The following INPP5K variants were observed in gnomAD, a reference collection of about 807,000 sequenced individuals.
INPP5K encodes the protein inositol polyphosphate-5-phosphatase K.
INPP5K carries 35 observed loss-of-function variants against 53.5 expected under a neutral mutation model. The observed-to-expected ratio is 0.65, with a 90% CI of 0.50 to 0.87. The LOEUF (loss-of-function observed/expected upper bound fraction) is 0.87, where lower values mean the gene tolerates loss of function less well. INPP5K is among the 40% of genes least tolerant of loss of function. The probability of loss-of-function intolerance (pLI) is 0.00; values close to 1 mark genes in which losing one functional copy is unlikely to be tolerated. For synonymous variants in INPP5K, 253 were observed against 232.8 expected (o/e 1.09, Z -0.79); for missense variants, 550 against 586.2 (o/e 0.94, Z 0.64).
intron 7 of INPP5K, among the ~76,000 whole-genome samples, chr17:1,500,741 G>A (rs1380770797): frequency 3.8e-5 from 4 of 105,304 alleles, no homozygotes; most frequent in African/African-American, 1.3e-4. Context: ...TGTCACTTAG[G>A]TGTAAGCCCT....
At chr17:1,496,214 A>G in intron 10 of INPP5K, 50 bp from the exon 11 acceptor site, 1 of 1,518,708 alleles carries the variant, frequency 6.6e-7, no homozygotes, top group Non-Finnish European at 9.1e-7. Context: ...TCTGGGCTCC[A>G]CCCAGCTCTG....
Position 1,498,076 on chromosome 17 carries a change from G to A in INPP5K, c.823C>T (p.Leu275=). The A allele has an allele frequency of 6.2e-7, 1 of 1,613,974 alleles. No homozygotes were observed. Among genetic ancestry groups the A allele is most frequent in the Non-Finnish European group, 8.5e-7 (1 of 1,179,900 alleles). Residue 275 remains leucine (L), a synonymous_variant, in exon 8 of 12, where the codon CTG becomes TTG. Transcript: ENST00000421807. ...PAWTDRILWR[L]KRQPCAGPDT... ...GGGCCAGCACAGGGCTGCCGCTTCAGCCTCCACAGGATGCGATCGGTCCAT... is the reference window on the plus strand; with the variant it reads ...GGGCCAGCACAGGGCTGCCGCTTCAACCTCCACAGGATGCGATCGGTCCAT...
At chr17:1,516,358 A>C in intron 1 of INPP5K, 98 bp downstream of exon 1, 2 of 1,301,104 alleles carry the variant, frequency 1.5e-6, no homozygotes, top group Non-Finnish European at 2.1e-6. Flanking sequence ...AACCAAAGGC[A>C]GTCATGGAGG....
At chr17:1,509,885 G>A (rs1407508152) in intron 3 of INPP5K, 86 bp from the exon 4 acceptor site, 1 of 765,918 alleles carries the variant, frequency 1.3e-6, no homozygotes, top group African/African-American at 1.7e-5. Context: ...GGACTCTAGA[G>A]AGCCCTCAGC....
At chr17:1,502,121 G>T (rs150274876) in intron 7 of INPP5K, among the ~76,000 whole-genome samples, 1 of 151,570 alleles carries the variant, frequency 6.6e-6, no homozygotes, top group Non-Finnish European at 1.5e-5. Flanking sequence ...AGGCCAAGGC[G>T]GGCAGATCAT....
chr17:1,513,937 A>T lies in INPP5K; in HGVS notation c.87T>A (p.Pro29=). 28 of 1,613,214 alleles carry T rather than the reference A, an allele frequency of 1.7e-5. No individual in the cohort carries two copies. The highest frequency in any genetic ancestry group is 2.3e-5 in the Non-Finnish European group (27 of 1,179,398). ...VTWNVASAAP[P]LDLSDLLQLN... is the part of the protein sequence containing the mutation. ...GCTGAAGCAGGTCACTGAGATCTAGAGGGGGCGCTGCCGAAGCCACGTTCC... is the reference window on the plus strand; with the variant it reads ...GCTGAAGCAGGTCACTGAGATCTAGTGGGGGCGCTGCCGAAGCCACGTTCC... Residue 29 remains proline (P), a synonymous_variant, in exon 2 of 12, where the codon CCT becomes CCA. Transcript: ENST00000421807.
chr17:1,507,497 G>GC (rs1422922258), intron 6 of INPP5K: 1 of 194,424 alleles, frequency 5.1e-6, no homozygotes. Context: ...ATGGGCTGAC[G>GC]CATGATGGTA....
Position 1,512,814 on chromosome 17 carries a change from T to C in INPP5K, c.261+639A>G, listed in dbSNP as rs535909911. On this transcript the variant is annotated intron_variant, in intron 3 of 11. Coordinates refer to ENST00000421807, the MANE Select transcript of INPP5K (RefSeq NM_016532.4). ...CCCAGAATCTGAAGTGCACGTCCCGTATGACCTGAGGATACCCTATGACAC... is the reference window on the plus strand; with the variant it reads ...CCCAGAATCTGAAGTGCACGTCCCGCATGACCTGAGGATACCCTATGACAC... Among the ~76,000 whole-genome samples the C allele has an allele frequency of 4.6e-5, 7 of 152,276 alleles. No individual in the cohort carries two copies. In the East Asian group the frequency reaches 1.2e-3, roughly 25 times the overall value.
chr17:1,498,133 AG>A lies in INPP5K; in HGVS notation c.777-12del. 1.3e-6 allele frequency: 2 copies of A among 1,587,384 alleles called. No individual in the cohort carries two copies. Among genetic ancestry groups the A allele is most frequent in the Middle Eastern group, 1.7e-4 (1 of 5,956 alleles). ...TTGCGTTTTTTCTCACTGCAGGGGC[AG>A]GGGGCATAAAGAGGAAGAATGGGGA... On this transcript the variant is annotated splice_polypyrimidine_tract_variant and intron_variant, in intron 7 of 11. Coordinates refer to ENST00000421807, the MANE Select transcript of INPP5K (RefSeq NM_016532.4).
At position 1,509,782 on chromosome 17, in the gene INPP5K, C is replaced by T. The variant is rs1431680882; in HGVS notation, c.279G>A (p.Met93Ile). 1 of 1,610,796 alleles carries T rather than the reference C, an allele frequency of 6.2e-7. No homozygotes were observed. The highest frequency in any genetic ancestry group is 8.5e-7 in the Non-Finnish European group (1 of 1,177,412). ...CAAAGACCAGTAAGAGGATCCCCTGCATACGGACATGGGAGACCTGCAGGA... is the reference window on the plus strand; with the variant it reads ...CAAAGACCAGTAAGAGGATCCCCTGTATACGGACATGGGAGACCTGCAGGA... ...LSFIKVSHVR[M>I]QGILLLVFAK... Residue 93 changes from methionine (M) to isoleucine (I), a missense_variant, in exon 4 of 12, where the codon ATG (methionine) becomes ATA (isoleucine). Met to Ile is a conservative substitution (Grantham distance 10, BLOSUM62 1). Coordinates refer to ENST00000421807, the MANE Select transcript of INPP5K (RefSeq NM_016532.4).
At chr17:1,509,517 G>A (rs1039508315) in intron 4 of INPP5K, among the ~76,000 whole-genome samples, 164 bp from the exon 5 acceptor site, 3 of 152,092 alleles carry the variant, frequency 2.0e-5, no homozygotes, top group African/African-American at 7.2e-5. Context: ...AGCCCAGCTC[G>A]CCTCGCCTGG....
chr17:1,501,233 T>C (rs923999927), intron 7 of INPP5K, among the ~76,000 whole-genome samples: 21 of 152,162 alleles, frequency 1.4e-4, no homozygotes, highest in South Asian at 4.2e-4. Context: ...GCTGGGATTA[T>C]AGGCGTGAGC....
chr17:1,500,966 T>C (rs1378824695), intron 7 of INPP5K, among the ~76,000 whole-genome samples: 3 of 151,622 alleles, frequency 2.0e-5, no homozygotes, highest in Non-Finnish European at 4.4e-5. Flanking sequence ...TGCTTTTTTT[T>C]TTTTTTTTTT....
At chr17:1,505,202 T>C (rs1416898587) in intron 7 of INPP5K, among the ~76,000 whole-genome samples, 1 of 152,134 alleles carries the variant, frequency 6.6e-6, no homozygotes, top group African/African-American at 2.4e-5. Context: ...CTCAGCTCAC[T>C]GCAGCCTTTA....
chr17:1,501,855 A>C (rs1218456085), intron 7 of INPP5K, among the ~76,000 whole-genome samples: 1 of 143,748 alleles, frequency 7.0e-6, no homozygotes, highest in East Asian at 2.0e-4. Flanking sequence ...CGTCTCTACT[A>C]AAAACACACA....
intron 1 of INPP5K, among the ~76,000 whole-genome samples, chr17:1,515,096 G>A (rs559597827): frequency 3.4e-4 from 51 of 151,970 alleles, no homozygotes; most frequent in Non-Finnish European, 5.0e-4. Flanking sequence ...TAGTAGAGAC[G>A]GGGTTTCACC....
chr17:1,496,836 C>A (rs200402689), intron 8 of INPP5K, 33 bp from the exon 9 acceptor site: 2 of 1,607,410 alleles, frequency 1.2e-6, no homozygotes, highest in Non-Finnish European at 1.7e-6. Context: ...GGCTGAATCT[C>A]GCAGCATCAT....
chr17:1,512,423 T>C (rs2075330725), intron 3 of INPP5K, among the ~76,000 whole-genome samples: 1 of 152,128 alleles, frequency 6.6e-6, no homozygotes, highest in Non-Finnish European at 1.5e-5. Flanking sequence ...GCAGGAGTTC[T>C]AAACCTTAGA....
At chr17:1,505,283 C>T (rs1021062776) in intron 7 of INPP5K, among the ~76,000 whole-genome samples, 1 of 152,176 alleles carries the variant, frequency 6.6e-6, no homozygotes, top group South Asian at 2.1e-4. Flanking sequence ...CATGCCACTA[C>T]ACCCAGCTAA....
Sources: gnomAD v4.1 joint callset for allele counts (sites outside exome capture counted in the v4.1 genomes callset) on GRCh38, gnomAD v4.1.1 for gene constraint, MANE v1.5 for transcripts, NCBI Gene and HGNC (gene_info 2026-07-23, HGNC 2026-07-21) for gene names.